The following SCN2A variants were observed in gnomAD, a reference collection of about 807,000 sequenced individuals.
SCN2A encodes the protein sodium channel protein type 2 subunit alpha.
A neutral mutation model predicts 188.7 loss-of-function variants in SCN2A; 20 were observed. The observed-to-expected ratio is 0.11, with a 90% CI of 0.07 to 0.15. The LOEUF is 0.15. Ranked by LOEUF, SCN2A falls within the 10% of genes least tolerant of loss-of-function variation. The pLI is 1.00. For missense variants in SCN2A, 1,278 were observed against 2,445.0 expected (o/e 0.52, Z 10.07); for synonymous variants, 804 against 833.1 (o/e 0.97, Z 0.60).
chr2:165,348,371 A>AT, intron 16 of SCN2A, among the ~76,000 whole-genome samples: 1 of 152,028 alleles, frequency 6.6e-6, no homozygotes, highest in South Asian at 2.1e-4. Flanking sequence ...AAAAAAAAAA[A>AT]AAAAAGCATA....
chr2:165,309,349 C>T lies in SCN2A; in HGVS notation c.606-3C>T. The stretch of plus-strand genomic sequence containing the variant: ...GTGTTTGTGTGTGAACCCCCTATTA[C>T]AGATATGTGACAGAGTTTGTGGACC... On this transcript the variant is annotated splice_region_variant and splice_polypyrimidine_tract_variant and intron_variant, in intron 5 of 26. Transcript: ENST00000375437. The T allele has an allele frequency of 6.2e-7, 1 of 1,613,636 alleles. No individual in the cohort carries two copies. The highest frequency in any genetic ancestry group is 8.5e-7 in the Non-Finnish European group (1 of 1,179,706).
chr2:165,325,370 A>G (rs73023783), intron 12 of SCN2A, among the ~76,000 whole-genome samples: 3,005 of 152,266 alleles, frequency 0.02, 86 homozygotes, highest in African/African-American at 0.062. Flanking sequence ...AGGGCACTGT[A>G]CTATTGCAAA....
chr2:165,283,938 G>C (rs1315550659), intron 1 of SCN2A, among the ~76,000 whole-genome samples: 1 of 152,046 alleles, frequency 6.6e-6, no homozygotes, highest in Non-Finnish European at 1.5e-5. Context: ...GGATCAATGA[G>C]ATAACAAATC....
chr2:165,381,545 C>T (rs1174657203), intron 25 of SCN2A, among the ~76,000 whole-genome samples: 1 of 151,836 alleles, frequency 6.6e-6, no homozygotes, highest in African/African-American at 2.4e-5. Context: ...TAAATGTTCT[C>T]AGAGTACAGA....
At chr2:165,357,141 C>T (rs1700220607) in intron 17 of SCN2A, among the ~76,000 whole-genome samples, 1 of 151,982 alleles carries the variant, frequency 6.6e-6, no homozygotes, top group African/African-American at 2.4e-5. Flanking sequence ...GGGTTATCGC[C>T]GTGAAAGAGG....
intron 15 of SCN2A, 122 bp downstream of exon 15, chr2:165,342,591 A>G: frequency 3.8e-6 from 4 of 1,065,662 alleles, no homozygotes; most frequent in Middle Eastern, 2.8e-4. Flanking sequence ...TCTAAAACAA[A>G]TTGGATTGCC....
intron 1 of SCN2A, chr2:165,285,166 A>G (rs183204184): frequency 1.3e-5 from 2 of 152,814 alleles, no homozygotes. Context: ...TGGAATATCT[A>G]AAGAATGTTG....
In SCN2A at chr2:165,280,070, C is replaced by T. The variant is rs1695519550; in HGVS notation, c.-51-15703C>T. On this transcript the variant is annotated intron_variant, in intron 1 of 26. Transcript: ENST00000375437. ...GTGGAACTGTAAGTCCACTAAACCTCTTTCTTTTTTAAATTGCCCAGTCTC... is the reference window on the plus strand; with the variant it reads ...GTGGAACTGTAAGTCCACTAAACCTTTTTCTTTTTTAAATTGCCCAGTCTC... 2.6e-5 allele frequency among the ~76,000 whole-genome samples: 4 copies of T among 152,156 alleles called. No homozygotes were observed. The South Asian group carries it at 8.3e-4, about 32-fold the overall frequency.
At chr2:165,270,494 C>T (rs764683582) in intron 1 of SCN2A, 2 of 151,876 alleles carry the variant, frequency 1.3e-5, no homozygotes, top group Non-Finnish European at 2.9e-5. Context: ...ATTTTACTTT[C>T]CTTTTAAAAA....
At chr2:165,331,072 A>G (rs1052446249) in intron 13 of SCN2A, among the ~76,000 whole-genome samples, 6 of 152,168 alleles carry the variant, frequency 3.9e-5, no homozygotes, top group Non-Finnish European at 7.4e-5. Flanking sequence ...GAAGATAAGT[A>G]TCAGACAGTT....
At chr2:165,365,562 T>A (rs1700685266) in intron 18 of SCN2A, among the ~76,000 whole-genome samples, 1 of 152,172 alleles carries the variant, frequency 6.6e-6, no homozygotes, top group African/African-American at 2.4e-5. Context: ...ATTAACTGGC[T>A]TTTCTGTGGC....
intron 17 of SCN2A, among the ~76,000 whole-genome samples, chr2:165,359,662 G>A (rs751358919): frequency 1.3e-5 from 2 of 152,048 alleles, no homozygotes; most frequent in Non-Finnish European, 2.9e-5. Context: ...AAGCAATGGT[G>A]GAATGGGTTC....
intron 1 of SCN2A, chr2:165,285,830 T>A (rs1199772068): frequency 5.8e-6 from 1 of 173,484 alleles, no homozygotes; most frequent in East Asian, 1.7e-4. Flanking sequence ...CAGGGTCAAA[T>A]TGATGCTAGC....
At chr2:165,373,399 A>G in intron 21 of SCN2A, 52 bp downstream of exon 21, 1 of 1,601,170 alleles carries the variant, frequency 6.2e-7, no homozygotes, top group Non-Finnish European at 8.6e-7. Context: ...GAGCAGACTG[A>G]CACTTTGTAC....
intron 17 of SCN2A, among the ~76,000 whole-genome samples, chr2:165,362,937 G>A (rs1042333287): frequency 1.3e-5 from 2 of 152,048 alleles, no homozygotes; most frequent in African/African-American, 4.8e-5. Flanking sequence ...CATGATTGTT[G>A]CAAAATAGAC....
intron 3 of SCN2A, among the ~76,000 whole-genome samples, chr2:165,299,821 G>A (rs935542338): frequency 6.6e-6 from 1 of 152,148 alleles, no homozygotes; most frequent in Non-Finnish European, 1.5e-5. Flanking sequence ...GGAGGTCATT[G>A]TATATTTATT....
At chr2:165,324,661 T>C (rs1191569363) in intron 12 of SCN2A, among the ~76,000 whole-genome samples, 1 of 152,220 alleles carries the variant, frequency 6.6e-6, no homozygotes, top group Non-Finnish European at 1.5e-5. Flanking sequence ...ACTGTACATG[T>C]GTTAAGAATC....
intron 11 of SCN2A, among the ~76,000 whole-genome samples, chr2:165,317,860 TCAAA>T (rs976500413): frequency 4.0e-5 from 6 of 150,372 alleles, no homozygotes; most frequent in African/African-American, 7.4e-5. Context: ...AAAGAAATAG[TCAAA>T]CAAATGTCTA....
At position 165,354,445 on chromosome 2, in the gene SCN2A, C is replaced by T. The variant is rs747478843; in HGVS notation, c.3173C>T (p.Thr1058Ile). The T allele has an allele frequency of 3.1e-6, 5 of 1,614,036 alleles. No homozygotes were observed. The South Asian group carries it at 5.5e-5, about 18-fold the overall frequency. ...KKDSCISNHTTIEIGKDLNYL... is the reference protein window; with the variant it reads ...KKDSCISNHTIIEIGKDLNYL... ...GACAGCTGTATTTCCAACCATACCA[C>T]CATAGAAATAGGCAAAGACCTCAAT... The change falls in exon 17 of 27, where the codon ACC becomes ATC. Residue 1058 changes from threonine (T) to isoleucine (I), a missense_variant. Physicochemically the swap from Thr to Ile is moderately conservative, Grantham distance 89. Around this residue, in one of 17 missense-constraint regions of SCN2A, gnomAD observed 228 missense variants for 297.3 expected, o/e 0.77. Transcript: ENST00000375437.
Sources: allele counts gnomAD v4.1 joint callset (sites outside exome capture counted in the v4.1 genomes callset), GRCh38; gene constraint gnomAD v4.1.1; regional missense constraint gnomAD v4.1.1; transcripts MANE v1.5; gene names NCBI Gene and HGNC (gene_info 2026-07-23, HGNC 2026-07-21).